Variants in WDR4 observed in about 807,000 individuals in gnomAD.
The protein encoded by WDR4 is WDR4 tRNA N7-guanosine methyltransferase non-catalytic subunit, also known as tRNA (guanine-N(7)-)-methyltransferase non-catalytic subunit WDR4.
WDR4 carries 47 observed loss-of-function variants against 48.6 expected under a neutral mutation model. That is an observed-to-expected ratio of 0.97 (90% CI 0.77 to 1.23). WDR4 has a LOEUF of 1.23. WDR4 is among the 50% of genes most tolerant of loss of function. The probability of loss-of-function intolerance (pLI) is 0.00; values close to 1 mark genes in which losing one functional copy is unlikely to be tolerated. For synonymous variants in WDR4, 268 were observed against 230.0 expected (o/e 1.17, Z -1.49); for missense variants, 606 against 551.6 (o/e 1.10, Z -0.99).
the WDR4 span, among the ~76,000 whole-genome samples, chr21:42,890,823 C>CT: frequency 6.7e-6 from 1 of 149,562 alleles, no homozygotes; most frequent in Non-Finnish European, 1.5e-5. Flanking sequence ...TTGGCCTCTG[C>CT]TTTTTTTATT....
At chr21:42,890,091 T>C in the WDR4 span, among the ~76,000 whole-genome samples, 1 of 150,934 alleles carries the variant, frequency 6.6e-6, no homozygotes, top group African/African-American at 2.4e-5. Flanking sequence ...GAAAAAAATA[T>C]ATATATTATA....
chr21:42,859,576 C>CAGGGGCCAGCGATCCAT, intron 6 of WDR4, 86 bp downstream of exon 6: 1 of 1,383,210 alleles, frequency 7.2e-7, no homozygotes, highest in Non-Finnish European at 1.0e-6. Context: ...CAGCGATCCA[C>CAGGGGCCAGCGATCCAT]AGGGGCCAGG....
At chr21:42,844,672 G>C (rs2057695975), downstream of WDR4, among the ~76,000 whole-genome samples, 1 of 152,212 alleles carries the variant, frequency 6.6e-6, no homozygotes, top group African/African-American at 2.4e-5. Context: ...CAAGGCCTGA[G>C]AGCAGGAAGC....
chr21:42,854,688 T>A (rs1203354689), intron 7 of WDR4, 62 bp from the exon 8 acceptor site: 1 of 1,539,468 alleles, frequency 6.5e-7, no homozygotes, highest in African/African-American at 1.4e-5. Flanking sequence ...CCGGGCGCTC[T>A]GATCCAACAA....
Position 42,873,685 on chromosome 21 carries a change from G to A in WDR4, c.162C>T (p.Asp54=), listed in dbSNP as rs151316851. ...EKKSQENKGE[D]APLDQGSGAI... is the part of the protein sequence containing the mutation. ...CACCGCTCCCCTGGTCCAAGGGCGC[G>A]TCCTCCCTGAGGAAGAGAGGAGGAA... The change falls in exon 3 of 11, where the codon GAC becomes GAT. Residue 54 remains aspartate (D), a synonymous_variant. Coordinates refer to ENST00000398208, the MANE Select transcript of WDR4 (RefSeq NM_018669.6). The A allele has an allele frequency of 4.3e-6, 7 of 1,613,684 alleles. No individual in the cohort carries two copies. Among genetic ancestry groups the A allele is most frequent in the East Asian group, 2.2e-5 (1 of 44,874 alleles).
rs1218271352 is a variant in WDR4 at position 42,855,698 on chromosome 21, T to C, written c.710A>G (p.Asp237Gly). The change falls in exon 7 of 11, where the codon GAC becomes GGC. Residue 237 changes from aspartate (D) to glycine (G), a missense_variant. By Grantham distance (94) the Asp-to-Gly change is moderately conservative. Coordinates refer to ENST00000398208, the MANE Select transcript of WDR4 (RefSeq NM_018669.6). The stretch of plus-strand genomic sequence containing the variant: ...AGCAGCTACCTGGGGGGCCTGGGGG[T>C]CCACCAGCTCCTGCAGACTGGCCAG... ...CHLASLQELVDPQAPQKFAAS... is the reference protein window; with the variant it reads ...CHLASLQELVGPQAPQKFAAS... 7 of 1,552,772 alleles carry C rather than the reference T, an allele frequency of 4.5e-6. No individual in the cohort carries two copies. The African/African-American group carries it at 6.8e-5, about 15-fold the overall frequency.
At position 42,850,235 on chromosome 21, in the gene WDR4, G is replaced by A. The variant is rs143036435; in HGVS notation, c.1053C>T (p.Ala351=). ...RGNWAMLEGS[A]GADASFSSLY... ...GACTGCTGAAGCTGGCGTCTGCGCC[G>A]GCAGAGCCTGTGATGGGGGAACAAG... The change falls in exon 11 of 11, where the codon GCC becomes GCT. Residue 351 remains alanine (A), a synonymous_variant. Transcript: ENST00000398208. The A allele has an allele frequency of 2.1e-5, 34 of 1,592,566 alleles. 1 individual carries two copies. Among genetic ancestry groups the A allele is most frequent in the African/African-American group, 1.8e-4 (13 of 73,900 alleles).
chr21:42,864,782 G>A (rs2058211472), intron 3 of WDR4, among the ~76,000 whole-genome samples: 1 of 152,138 alleles, frequency 6.6e-6, no homozygotes, highest in Non-Finnish European at 1.5e-5. Context: ...TACTGGAATC[G>A]TCCCGTATTT....
At chr21:42,881,989 C>T (rs949638369), upstream of WDR4, among the ~76,000 whole-genome samples, 57 of 151,814 alleles carry the variant, frequency 3.8e-4, no homozygotes, top group African/African-American at 1.3e-3. Context: ...TTAGTAGAGA[C>T]GGGGTTTCAC....
At chr21:42,878,357 A>G (rs2058548835) in intron 1 of WDR4, among the ~76,000 whole-genome samples, 1 of 152,202 alleles carries the variant, frequency 6.6e-6, no homozygotes, top group Non-Finnish European at 1.5e-5. Context: ...TCCACCAGCC[A>G]CTAGAATTTC....
chr21:42,863,417 C>G lies in WDR4; in HGVS notation c.453+23G>C, dbSNP rs768494997. ...CGTGTCCCACACCTGCCATGTCCCC[C>G]ACCTACCACGTCCCCCACCTACCAC... is the stretch of plus-strand genomic sequence containing the variant. On this transcript the variant is annotated intron_variant, in intron 4 of 10. Coordinates refer to ENST00000398208, the MANE Select transcript of WDR4 (RefSeq NM_018669.6). The G allele has an allele frequency of 3.1e-6, 5 of 1,598,868 alleles. No homozygotes were observed. In the African/African-American group the frequency reaches 6.7e-5, roughly 21 times the overall value.
intron 5 of WDR4, among the ~76,000 whole-genome samples, chr21:42,861,977 C>A (rs571325627): frequency 1.6e-4 from 24 of 152,310 alleles, no homozygotes; most frequent in African/African-American, 5.5e-4. Flanking sequence ...GCGAACAACT[C>A]CCGGGCATGG....
downstream of WDR4, among the ~76,000 whole-genome samples, chr21:42,848,378 CCT>C (rs2057730555): frequency 7.0e-6 from 1 of 142,098 alleles, no homozygotes; most frequent in African/African-American, 2.6e-5. Flanking sequence ...GTGGCCTGCA[CCT>C]CACTCACACA....
downstream of WDR4, among the ~76,000 whole-genome samples, chr21:42,848,161 T>A (rs916199712): frequency 2.6e-5 from 4 of 152,196 alleles, no homozygotes; most frequent in Admixed American, 6.5e-5. Flanking sequence ...ATACCCCACA[T>A]CATAGTCATC....
chr21:42,886,970 A>C, the WDR4 span: 1 of 152,270 alleles, frequency 6.6e-6, no homozygotes, highest in Non-Finnish European at 1.5e-5. Flanking sequence ...GTGAGCCTTC[A>C]TGCCCCACCA....
chr21:42,843,481 G>A (rs2057684279), intron 11 of WDR4, among the ~76,000 whole-genome samples: 1 of 143,628 alleles, frequency 7.0e-6, no homozygotes, highest in Non-Finnish European at 1.5e-5. Flanking sequence ...TGCAATCACG[G>A]CTTGCTGCAG....
At chr21:42,879,353 C>A in intron 1 of WDR4, 54 bp downstream of exon 1, 1 of 1,593,786 alleles carries the variant, frequency 6.3e-7, no homozygotes, top group South Asian at 1.1e-5. Context: ...GTCGCCAGGA[C>A]CCGACGCGCG....
At chr21:42,874,261 C>T (rs183034103) in intron 2 of WDR4, among the ~76,000 whole-genome samples, 1 of 152,328 alleles carries the variant, frequency 6.6e-6, no homozygotes, top group East Asian at 1.9e-4. Context: ...CTTATCACTT[C>T]CCCAGTCAAT....
chr21:42,875,221 G>A (rs2058463969), intron 2 of WDR4, among the ~76,000 whole-genome samples: 1 of 151,994 alleles, frequency 6.6e-6, no homozygotes, highest in South Asian at 2.1e-4. Context: ...GACCAGCCTG[G>A]GTAACATGGC....
Sources: allele counts gnomAD v4.1 joint callset (sites outside exome capture counted in the v4.1 genomes callset), GRCh38; gene constraint gnomAD v4.1.1; transcripts MANE v1.5; gene names NCBI Gene and HGNC (gene_info 2026-07-23, HGNC 2026-07-21).